USP6NL: variants seen among roughly 807,000 people sequenced by gnomAD.
USP6NL encodes the protein USP6 N-terminal-like protein.
USP6NL carries 26 observed loss-of-function variants against 61.9 expected under a neutral mutation model. The ratio of observed to expected loss-of-function variants is 0.42; its 90% CI spans 0.31 to 0.58. USP6NL has a LOEUF of 0.58. USP6NL is among the 20% of genes least tolerant of loss of function. The pLI is 0.16. For synonymous variants in USP6NL, 432 were observed against 390.1 expected (o/e 1.11, Z -1.27); for missense variants, 1,114 against 1,034.3 (o/e 1.08, Z -1.06).
chr10:11,547,472 A>G (rs572115000), intron 2 of USP6NL, among the ~76,000 whole-genome samples: 11 of 152,246 alleles, frequency 7.2e-5, no homozygotes, highest in African/African-American at 2.6e-4. Context: ...TAATTATAAA[A>G]TATTTCCTGC....
intron 6 of USP6NL, among the ~76,000 whole-genome samples, chr10:11,505,705 A>C (rs571505630): frequency 6.6e-6 from 1 of 152,298 alleles, no homozygotes; most frequent in East Asian, 1.9e-4. Context: ...ACAAATGACT[A>C]ATGTTTTCAG....
chr10:11,488,892 G>A (rs1833590508), intron 10 of USP6NL, among the ~76,000 whole-genome samples: 1 of 152,136 alleles, frequency 6.6e-6, no homozygotes, highest in Non-Finnish European at 1.5e-5. Flanking sequence ...ATATACCTTG[G>A]AGTAAAGACA....
chr10:11,586,460 T>C (rs1250254797), intron 2 of USP6NL, among the ~76,000 whole-genome samples: 4 of 150,832 alleles, frequency 2.7e-5, no homozygotes, highest in African/African-American at 7.3e-5. Context: ...AGGAACACAA[T>C]TGTGAATTCT....
At position 11,461,244 on chromosome 10, in the gene USP6NL, A is replaced by T. The variant is rs929024150; in HGVS notation, c.*1197T>A. 2 of 150,930 alleles carry T rather than the reference A, an allele frequency of 1.3e-5. No homozygotes were observed. The highest frequency in any genetic ancestry group is 4.9e-5 in the African/African-American group (2 of 40,938). 9.3% of individuals were successfully genotyped at this position (150,930 alleles called of 1,614,324 possible). A position where few individuals can be genotyped will look rare whatever the true frequency, so the allele number is the denominator to read the frequency against. On this transcript the variant is annotated 3_prime_UTR_variant, in exon 15 of 15. Coordinates refer to ENST00000609104, the MANE Select transcript of USP6NL (RefSeq NM_014688.5). ...TTAAAGACATCACTAATTTTTTTTT[A>T]AGCCAAGAACTTGAATTTGTTTCAA...
rs906638813 is a variant in USP6NL, at chr10:11,598,735, CTGCTT to C, written c.-83-1023_-83-1019del. On this transcript the variant is annotated intron_variant, in intron 1 of 14. Transcript: ENST00000609104. The surrounding 1 kb of genome is among the most constrained non-coding windows in gnomAD (Gnocchi z 4.7). ...AACAGTATACTACTACTAGAGACCT[CTGCTT>C]TAGAATCAAAGTTAGGGAAATACTT... 6.6e-6 allele frequency among the ~76,000 whole-genome samples: 1 copy of C among 152,218 alleles called. No homozygotes were observed. Among genetic ancestry groups the C allele is most frequent in the African/African-American group, 2.4e-5 (1 of 41,462 alleles).
chr10:11,530,332 G>C (rs139056688), intron 2 of USP6NL, among the ~76,000 whole-genome samples: 42 of 152,290 alleles, frequency 2.8e-4, no homozygotes, highest in African/African-American at 1.0e-3. Context: ...AAGTTTAAAA[G>C]TGTAAAGGCA....
rs760283281 is a variant in USP6NL, at chr10:11,463,037, AG to A, written c.1890del (p.Ser631ProfsTer34). Reference sequence around the variant, plus strand: ...TGGTAAACGGGGGGATTGCTGTAGGAGGGGGGATGAGCTAGCCCTCGGGCTT... The same window carrying A: ...TGGTAAACGGGGGGATTGCTGTAGGAGGGGGATGAGCTAGCCCTCGGGCTT... ...DGEARGLAHP[P>X]SYSNPPVYHG... On this transcript the variant is annotated frameshift_variant, in exon 15 of 15. Transcript: ENST00000609104. LOFTEE classifies it low-confidence loss of function (END_TRUNC). The surrounding 1 kb of genome is among the most constrained non-coding windows in gnomAD (Gnocchi z 6.3). The A allele has an allele frequency of 5.1e-5, 82 of 1,613,704 alleles. No homozygotes were observed. Among genetic ancestry groups the A allele is most frequent in the Non-Finnish European group, 6.0e-5 (71 of 1,179,856 alleles).
At chr10:11,533,974 A>G (rs1835748516) in intron 2 of USP6NL, among the ~76,000 whole-genome samples, 1 of 152,112 alleles carries the variant, frequency 6.6e-6, no homozygotes, top group Admixed American at 6.5e-5. Context: ...GCCTTGTCCT[A>G]TCTTCAGCCT....
At chr10:11,607,112 G>C (rs1838731611) in intron 1 of USP6NL, among the ~76,000 whole-genome samples, 1 of 152,066 alleles carries the variant, frequency 6.6e-6, no homozygotes, top group African/African-American at 2.4e-5. Context: ...AAGCACTACT[G>C]CAATCAAGAG....
At position 11,491,481 on chromosome 10, in the gene USP6NL, C is replaced by T. The variant is rs185033176; in HGVS notation, c.495-601G>A. ...GATCTTAGTTCCAAAAGGAGGAATGCTTCCACCATGAGACATAACAGTGAT... is the reference window on the plus strand; with the variant it reads ...GATCTTAGTTCCAAAAGGAGGAATGTTTCCACCATGAGACATAACAGTGAT... On this transcript the variant is annotated intron_variant, in intron 8 of 14. Transcript: ENST00000609104. This position sits in a 1 kb window ranked among gnomAD's most constrained non-coding sequence, Gnocchi z 4.7. 1.3e-5 allele frequency among the ~76,000 whole-genome samples: 2 copies of T among 152,346 alleles called. No homozygotes were observed. The highest frequency in any genetic ancestry group is 6.5e-5 in the Admixed American group (1 of 15,304).
At chr10:11,503,332 T>C (rs1834292984) in intron 6 of USP6NL, among the ~76,000 whole-genome samples, 1 of 152,228 alleles carries the variant, frequency 6.6e-6, no homozygotes, top group Non-Finnish European at 1.5e-5. Flanking sequence ...TCTTCAGATA[T>C]TATTTTGTTG....
chr10:11,582,422 G>A (rs117555583), intron 2 of USP6NL, among the ~76,000 whole-genome samples: 1 of 152,250 alleles, frequency 6.6e-6, no homozygotes, highest in East Asian at 1.9e-4. Context: ...TTTAAAGGAG[G>A]AAAAATATAG....
In USP6NL at chr10:11,474,821, G is replaced by A. The variant is rs768320798; in HGVS notation, c.1078+6949C>T. ...TCTATCATAGAAGACTCAGTTTGCT[G>A]TTATCATTACTACTATGTGACTCAA... On this transcript the variant is annotated intron_variant, in intron 14 of 14. Coordinates refer to ENST00000609104, the MANE Select transcript of USP6NL (RefSeq NM_014688.5). The surrounding 1 kb of genome is among the most constrained non-coding windows in gnomAD (Gnocchi z 4.9). Among the ~76,000 whole-genome samples the A allele has an allele frequency of 1.4e-4, 21 of 151,186 alleles. No homozygotes were observed. Among genetic ancestry groups the A allele is most frequent in the Non-Finnish European group, 2.5e-4 (17 of 67,876 alleles).
chr10:11,531,189 C>A (rs1054713230), intron 2 of USP6NL, among the ~76,000 whole-genome samples: 1 of 152,146 alleles, frequency 6.6e-6, no homozygotes, highest in African/African-American at 2.4e-5. Flanking sequence ...GTTTGAAATA[C>A]AATACCACTT....
At chr10:11,521,378 T>TA (rs1271302259) in intron 4 of USP6NL, among the ~76,000 whole-genome samples, 1 of 138,676 alleles carries the variant, frequency 7.2e-6, no homozygotes, top group Non-Finnish European at 1.6e-5. Context: ...TATTTATATA[T>TA]TTTTTTTTAA....
At chr10:11,568,167 G>T (rs1427237237) in intron 2 of USP6NL, among the ~76,000 whole-genome samples, 2 of 152,002 alleles carry the variant, frequency 1.3e-5, no homozygotes, top group Non-Finnish European at 2.9e-5. Flanking sequence ...GTGTGTGTGT[G>T]TGTGTGTGCG....
chr10:11,606,528 G>C (rs1370014938), intron 1 of USP6NL, among the ~76,000 whole-genome samples: 1 of 152,084 alleles, frequency 6.6e-6, no homozygotes, highest in Non-Finnish European at 1.5e-5. Flanking sequence ...AATGAAATAA[G>C]AAAGGAAATT....
At position 11,532,461 on chromosome 10, in the gene USP6NL, A is replaced by G. The variant is rs1835697748; in HGVS notation, c.5-4894T>C. On this transcript the variant is annotated intron_variant, in intron 2 of 14. Transcript: ENST00000609104. The surrounding 1 kb of genome is among the most constrained non-coding windows in gnomAD (Gnocchi z 4.1). The stretch of plus-strand genomic sequence containing the variant: ...ACCTTGCTGTGGTTACACAGACTAT[A>G]TATTTTCAAACAAAGCTGATCATTG... Among the ~76,000 whole-genome samples, 2 of 152,214 alleles carry G rather than the reference A, an allele frequency of 1.3e-5. No individual in the cohort carries two copies. Among genetic ancestry groups the G allele is most frequent in the Admixed American group, 6.5e-5 (1 of 15,278 alleles).
Position 11,495,533 on chromosome 10 carries a change from T to C in USP6NL, c.385-2305A>G, listed in dbSNP as rs1263317658. Among the ~76,000 whole-genome samples, 7 of 152,292 alleles carry C rather than the reference T, an allele frequency of 4.6e-5. No individual in the cohort carries two copies. Among genetic ancestry groups the C allele is most frequent in the Admixed American group, 4.6e-4 (7 of 15,296 alleles). On this transcript the variant is annotated intron_variant, in intron 7 of 14. Transcript: ENST00000609104. The surrounding 1 kb of genome is among the most constrained non-coding windows in gnomAD (Gnocchi z 4.6). ...TTTTCTTGTATTTTTCTGTATTATT[T>C]TACATCTCTTTGCTTTTATAACTGA...
Sources: allele counts gnomAD v4.1 joint callset (sites outside exome capture counted in the v4.1 genomes callset), GRCh38; gene constraint gnomAD v4.1.1; non-coding constraint Gnocchi (gnomAD v3.1); transcripts MANE v1.5; gene names NCBI Gene and HGNC (gene_info 2026-07-23, HGNC 2026-07-21).